AMPH: variants seen among roughly 807,000 people sequenced by gnomAD.
AMPH encodes the protein amphiphysin (Stiff-Mann syndrome with breast cancer 128kD autoantigen).
Under a neutral mutation model 99.1 loss-of-function variants are expected in AMPH, and 49 were observed. The observed-to-expected ratio is 0.49, with a 90% CI of 0.39 to 0.63. The LOEUF (loss-of-function observed/expected upper bound fraction) is 0.63. AMPH is among the 20% of genes least tolerant of loss of function. The pLI, the probability that AMPH is intolerant of heterozygous loss-of-function variation, is 0.00. For missense variants in AMPH, 759 were observed against 863.4 expected (o/e 0.88, Z 1.52); for synonymous variants, 314 against 317.3 (o/e 0.99, Z 0.11).
In AMPH at chr7:38,425,156, C is replaced by G. The variant is rs975534939; in HGVS notation, c.1215+1798G>C. ...TCCACCCAAATGAATGATTAAACCA[C>G]AAATGAGAAAACTTGCATCAGAAAA... On this transcript the variant is annotated intron_variant, in intron 15 of 20. Transcript: ENST00000356264. Among the ~76,000 whole-genome samples, 5 of 152,084 alleles carry G rather than the reference C, an allele frequency of 3.3e-5. No individual in the cohort carries two copies. The East Asian group carries it at 9.6e-4, about 29-fold the overall frequency.
chr7:38,582,332 T>C (rs1792497398), intron 1 of AMPH, among the ~76,000 whole-genome samples: 1 of 152,192 alleles, frequency 6.6e-6, no homozygotes, highest in African/African-American at 2.4e-5. Context: ...GCAGTTTAAG[T>C]GCCATGGTCA....
intron 5 of AMPH, among the ~76,000 whole-genome samples, chr7:38,477,345 G>A (rs1416465091): frequency 1.3e-5 from 2 of 152,102 alleles, no homozygotes; most frequent in African/African-American, 4.8e-5. Flanking sequence ...GGGAAACTAT[G>A]TTAGATTTGG....
At chr7:38,415,591 T>C (rs1021935982) in intron 17 of AMPH, among the ~76,000 whole-genome samples, 1 of 152,200 alleles carries the variant, frequency 6.6e-6, no homozygotes, top group Non-Finnish European at 1.5e-5. Context: ...ATACATTTTA[T>C]CTGATTCTAT....
chr7:38,510,382 C>G (rs1386903035), intron 2 of AMPH, among the ~76,000 whole-genome samples: 5 of 152,192 alleles, frequency 3.3e-5, no homozygotes, highest in Non-Finnish European at 4.4e-5. Flanking sequence ...TTCTGAGGTA[C>G]TGGGGATTAG....
intron 1 of AMPH, among the ~76,000 whole-genome samples, chr7:38,580,599 G>T (rs2129055100): frequency 1.3e-5 from 2 of 152,174 alleles, no homozygotes; most frequent in Admixed American, 1.3e-4. Context: ...TCCTCAGCCT[G>T]TGATATTCAC....
intron 2 of AMPH, among the ~76,000 whole-genome samples, chr7:38,506,201 T>C (rs1789317828): frequency 6.6e-6 from 1 of 152,166 alleles, no homozygotes; most frequent in South Asian, 2.1e-4. Flanking sequence ...GTTGCTACCA[T>C]GGCATAACCT....
rs76514852 is a variant in AMPH at position 38,628,641 on chromosome 7, T to C, written c.69+2642A>G. ...AAACAGGTCTTCAACTATACAGCAA[T>C]GAGCCTGTTTTGGTTGTATAAATAC... On this transcript the variant is annotated intron_variant, in intron 1 of 20. Transcript: ENST00000356264. Among the ~76,000 whole-genome samples, 1,209 of 152,344 alleles carry C rather than the reference T, an allele frequency of 7.9e-3. 17 individuals carry two copies. The highest frequency in any genetic ancestry group is 0.027 in the African/African-American group (1,127 of 41,572).
intron 17 of AMPH, among the ~76,000 whole-genome samples, chr7:38,398,118 A>C (rs1001589507): frequency 6.6e-6 from 1 of 151,228 alleles, no homozygotes; most frequent in Non-Finnish European, 1.5e-5. Context: ...AAAAAAAAAA[A>C]AAACACAAAA....
chr7:38,529,180 T>C (rs1790302049), intron 2 of AMPH, among the ~76,000 whole-genome samples: 1 of 152,224 alleles, frequency 6.6e-6, no homozygotes, highest in African/African-American at 2.4e-5. Flanking sequence ...TCAGATCATC[T>C]TAGTTGATTT....
intron 1 of AMPH, among the ~76,000 whole-genome samples, chr7:38,627,196 T>C (rs912341053): frequency 1.3e-5 from 2 of 151,926 alleles, no homozygotes; most frequent in African/African-American, 4.8e-5. Flanking sequence ...CTTCCAGAGA[T>C]AGGCACAAGG....
chr7:38,423,465 C>T (rs1785666460), intron 15 of AMPH, among the ~76,000 whole-genome samples: 1 of 152,182 alleles, frequency 6.6e-6, no homozygotes. Flanking sequence ...GAGCCAGTGC[C>T]TTTTGGTTGA....
chr7:38,611,707 C>T (rs1287158714), intron 1 of AMPH, among the ~76,000 whole-genome samples: 1 of 152,148 alleles, frequency 6.6e-6, no homozygotes, highest in Admixed American at 6.5e-5. Context: ...GAAATTAAAC[C>T]AAGAGTTGAG....
At position 38,411,849 on chromosome 7, in the gene AMPH, G is replaced by A. The variant is rs1466441123; in HGVS notation, c.1398+5976C>T. Among the ~76,000 whole-genome samples the A allele has an allele frequency of 2.0e-5, 3 of 152,048 alleles. No individual in the cohort carries two copies. The East Asian group carries it at 5.8e-4, about 29-fold the overall frequency. On this transcript the variant is annotated intron_variant, in intron 17 of 20. Coordinates refer to ENST00000356264, the MANE Select transcript of AMPH (RefSeq NM_001635.4). ...TGGTTTCAATGAGGGATTATGAATT[G>A]GGCCCAATACATATTCAGAAGACAG...
At chr7:38,596,301 C>T (rs973964787) in intron 1 of AMPH, among the ~76,000 whole-genome samples, 2 of 152,176 alleles carry the variant, frequency 1.3e-5, no homozygotes, top group African/African-American at 4.8e-5. Context: ...CAACCAGCTT[C>T]TAGGAGCCAA....
intron 2 of AMPH, among the ~76,000 whole-genome samples, chr7:38,503,929 T>C (rs371963288): frequency 5.3e-5 from 8 of 152,220 alleles, no homozygotes; most frequent in Non-Finnish European, 4.4e-5. Flanking sequence ...ATTTTGCTAA[T>C]AGATAATACA....
At chr7:38,445,038 A>G (rs1442702696) in intron 11 of AMPH, among the ~76,000 whole-genome samples, 3 of 144,452 alleles carry the variant, frequency 2.1e-5, no homozygotes, top group Non-Finnish European at 4.5e-5. Context: ...ATATACATAT[A>G]TATACATATA....
chr7:38,493,477 G>A (rs541194432), intron 4 of AMPH, among the ~76,000 whole-genome samples: 9 of 152,168 alleles, frequency 5.9e-5, no homozygotes, highest in African/African-American at 2.2e-4. Context: ...TTTTGTAGAT[G>A]AGGAAACTAA....
intron 1 of AMPH, among the ~76,000 whole-genome samples, chr7:38,605,115 G>C (rs1793388846): frequency 6.6e-6 from 1 of 152,122 alleles, no homozygotes; most frequent in South Asian, 2.1e-4. Flanking sequence ...AATAAGTATG[G>C]CTACAGAACC....
chr7:38,535,955 T>G (rs1790583204), intron 1 of AMPH, among the ~76,000 whole-genome samples: 1 of 152,094 alleles, frequency 6.6e-6, no homozygotes, highest in African/African-American at 2.4e-5. Context: ...GGGACAGTAT[T>G]AGAAGCCAGG....
Sources: gnomAD v4.1 joint callset for allele counts (sites outside exome capture counted in the v4.1 genomes callset) on GRCh38, gnomAD v4.1.1 for gene constraint, MANE v1.5 for transcripts, NCBI Gene and HGNC (gene_info 2026-07-23, HGNC 2026-07-21) for gene names.